KCNMA1: variants seen among roughly 807,000 people sequenced by gnomAD.
KCNMA1 encodes Calcium-activated potassium channel subunit alpha-1.
Under a neutral mutation model 140.0 loss-of-function variants are expected in KCNMA1, and 29 were observed. That is an observed-to-expected ratio of 0.21 (90% CI 0.15 to 0.28). KCNMA1 has a LOEUF of 0.28. Ranked by LOEUF, KCNMA1 falls within the 10% of genes least tolerant of loss-of-function variation. The probability of loss-of-function intolerance (pLI) is 1.00; values close to 1 mark genes in which losing one functional copy is unlikely to be tolerated. For missense variants in KCNMA1, 880 were observed against 1,602.2 expected (o/e 0.55, Z 7.70); for synonymous variants, 612 against 611.9 (o/e 1.00, Z 0.00).
At chr10:77,204,862 G>A (rs533217562) in intron 3 of KCNMA1, among the ~76,000 whole-genome samples, 2 of 152,220 alleles carry the variant, frequency 1.3e-5, no homozygotes, top group South Asian at 2.1e-4. Flanking sequence ...AAGACCCCAC[G>A]GGTGACCCCA....
intron 1 of KCNMA1, among the ~76,000 whole-genome samples, chr10:77,442,990 G>A (rs1245478274): frequency 6.6e-6 from 1 of 152,192 alleles, no homozygotes. Flanking sequence ...GTGGGGGAGA[G>A]CCCTCCTTCC....
At chr10:76,914,250 C>A in intron 24 of KCNMA1, 4 of 768,576 alleles carry the variant, frequency 5.2e-6, no homozygotes, top group South Asian at 5.0e-5. Flanking sequence ...GACCCCGGAC[C>A]ACAGGTAGTT....
At chr10:77,634,615 G>T (rs2093556316) in intron 1 of KCNMA1, 1 of 985,226 alleles carries the variant, frequency 1.0e-6, no homozygotes, top group South Asian at 4.7e-5. Flanking sequence ...GAGGGTGAGG[G>T]TGAACCCATC....
rs1342759754 is a variant in KCNMA1 at position 77,637,768 on chromosome 10, G to C, written c.-126C>G. ...CGCCGCCGCCGCCGCCGCGGAGCGCGGGAGGGGGGCGGGGAGGCGCCTGGG... is the reference window on the plus strand; with the variant it reads ...CGCCGCCGCCGCCGCCGCGGAGCGCCGGAGGGGGGCGGGGAGGCGCCTGGG... On this transcript the variant is annotated 5_prime_UTR_variant, in exon 1 of 28. Transcript: ENST00000286628. 1 of 1,303,574 alleles carries C rather than the reference G, an allele frequency of 7.7e-7. No homozygotes were observed. Among genetic ancestry groups the C allele is most frequent in the Non-Finnish European group, 9.6e-7 (1 of 1,037,978 alleles). 80.8% of individuals were successfully genotyped at this position (1,303,574 alleles called of 1,614,324 possible).
intron 20 of KCNMA1, among the ~76,000 whole-genome samples, chr10:76,960,943 A>C (rs1412950700): frequency 6.6e-6 from 1 of 151,944 alleles, no homozygotes; most frequent in African/African-American, 2.4e-5. Flanking sequence ...CCAATTATTC[A>C]AGAGCTCTGA....
At chr10:77,232,827 TTGATG>T (rs2054046131) in intron 3 of KCNMA1, among the ~76,000 whole-genome samples, 1 of 151,998 alleles carries the variant, frequency 6.6e-6, no homozygotes, top group African/African-American at 2.4e-5. Context: ...TTTGAGTTAA[TTGATG>T]TGAAGAGTCC....
At chr10:77,572,599 T>TATATATATATATATATATATATAC (rs2072004569) in intron 1 of KCNMA1, among the ~76,000 whole-genome samples, 1 of 107,418 alleles carries the variant, frequency 9.3e-6, no homozygotes, top group Non-Finnish European at 1.9e-5. Context: ...TATATATATA[T>TATATATATATATATATATATATAC]ATATAAATTA....
At chr10:77,394,081 G>T (rs529141067) in intron 2 of KCNMA1, among the ~76,000 whole-genome samples, 2 of 152,208 alleles carry the variant, frequency 1.3e-5, no homozygotes, top group Non-Finnish European at 2.9e-5. Flanking sequence ...GGGATGGAAG[G>T]CCAAAGCAGG....
At chr10:77,544,346 G>A (rs1410309721) in intron 1 of KCNMA1, among the ~76,000 whole-genome samples, 1 of 152,154 alleles carries the variant, frequency 6.6e-6, no homozygotes, top group African/African-American at 2.4e-5. Context: ...AAGTGGTTGA[G>A]AGGGTCACAG....
At chr10:77,354,984 C>A (rs2093338655) in intron 2 of KCNMA1, among the ~76,000 whole-genome samples, 1 of 152,202 alleles carries the variant, frequency 6.6e-6, no homozygotes, top group Non-Finnish European at 1.5e-5. Flanking sequence ...ACCCAAATCT[C>A]ATCTTGAATT....
chr10:77,589,815 T>C (rs2078452403), intron 1 of KCNMA1, among the ~76,000 whole-genome samples: 1 of 152,080 alleles, frequency 6.6e-6, no homozygotes, highest in Admixed American at 6.5e-5. Flanking sequence ...CAGCAGGATT[T>C]ATCGCAAAGA....
chr10:76,988,414 G>C (rs2153284265), intron 19 of KCNMA1, among the ~76,000 whole-genome samples: 1 of 152,174 alleles, frequency 6.6e-6, no homozygotes, highest in Non-Finnish European at 1.5e-5. Context: ...TGTAGTCTTG[G>C]CTACTTGGGA....
intron 3 of KCNMA1, among the ~76,000 whole-genome samples, chr10:77,237,612 C>T (rs1277891493): frequency 6.6e-6 from 1 of 152,150 alleles, no homozygotes; most frequent in African/African-American, 2.4e-5. Context: ...CACATACCAC[C>T]ATGACCAGCT....
chr10:77,400,958 T>C (rs918264737), intron 2 of KCNMA1, among the ~76,000 whole-genome samples: 1 of 151,624 alleles, frequency 6.6e-6, no homozygotes, highest in Non-Finnish European at 1.5e-5. Flanking sequence ...TTGGTGTCAG[T>C]GCAGACCGTG....
chr10:77,292,308 G>A (rs10824516), intron 2 of KCNMA1, among the ~76,000 whole-genome samples: 36,476 of 152,116 alleles, frequency 0.24, 5,620 homozygotes, highest in Non-Finnish European at 0.35. Flanking sequence ...GGAGTGGTGC[G>A]TTCCATTAAT....
chr10:77,535,074 A>T (rs930963513), intron 1 of KCNMA1, among the ~76,000 whole-genome samples: 32 of 152,240 alleles, frequency 2.1e-4, no homozygotes, highest in African/African-American at 7.7e-4. Context: ...CAATCTTTAC[A>T]TGAATATGTT....
At chr10:77,528,281 G>C (rs2056500604) in intron 1 of KCNMA1, among the ~76,000 whole-genome samples, 1 of 152,112 alleles carries the variant, frequency 6.6e-6, no homozygotes, top group South Asian at 2.1e-4. Context: ...CATTACCATA[G>C]GATCTAGCAA....
intron 2 of KCNMA1, among the ~76,000 whole-genome samples, chr10:77,262,934 A>G (rs1287114228): frequency 6.6e-6 from 1 of 152,216 alleles, no homozygotes; most frequent in Non-Finnish European, 1.5e-5. Context: ...CACAATGTGA[A>G]TGTACTAAAA....
Position 76,953,891 on chromosome 10 carries a change from C to G in KCNMA1, c.2394G>C (p.Gln798His). The G allele has an allele frequency of 6.2e-7, 1 of 1,614,048 alleles. No individual in the cohort carries two copies. Among genetic ancestry groups the G allele is most frequent in the Non-Finnish European group, 8.5e-7 (1 of 1,179,940 alleles). The change falls in exon 21 of 28, where the codon CAG becomes CAC. Residue 798 changes from glutamine to histidine, a missense_variant. Gln to His is a conservative substitution (Grantham distance 24). This residue lies in a region of KCNMA1 where 196 missense variants were observed against 233.0 expected (regional missense o/e 0.84). Transcript: ENST00000286628. The stretch of plus-strand genomic sequence containing the variant: ...TCACATTGGAGTCCATGTTGTCAAT[C>G]TGATCATTGCCAGGAATTAACAAGG... Reference protein sequence around the residue: ...HDPLLIPGNDQIDNMDSNVKK... With the variant: ...HDPLLIPGNDHIDNMDSNVKK...
Sources: allele counts gnomAD v4.1 joint callset (sites outside exome capture counted in the v4.1 genomes callset), GRCh38; gene constraint gnomAD v4.1.1; regional missense constraint gnomAD v4.1.1; transcripts MANE v1.5; gene names NCBI Gene and HGNC (gene_info 2026-07-23, HGNC 2026-07-21).